Variants in MAML1 observed in about 807,000 individuals in gnomAD.
The protein encoded by MAML1 is mastermind like transcriptional coactivator 1, also known as mastermind-like protein 1.
MAML1 carries 14 observed loss-of-function variants against 77.1 expected under a neutral mutation model. The ratio of observed to expected loss-of-function variants is 0.18; its 90% confidence interval spans 0.12 to 0.28. MAML1 has a LOEUF of 0.28. MAML1 is among the 10% of genes least tolerant of loss of function. MAML1 has a pLI of 1.00. For missense variants in MAML1, 1,217 were observed against 1,327.8 expected (o/e 0.92, Z 1.30); for synonymous variants, 516 against 551.9 (o/e 0.93, Z 0.91).
intron 1 of MAML1, among the ~76,000 whole-genome samples, chr5:179,738,804 A>G (rs940070167): frequency 4.7e-5 from 7 of 150,524 alleles, no homozygotes; most frequent in Non-Finnish European, 8.9e-5. Flanking sequence ...TTTTGGAGAC[A>G]GGGTCTCACT....
chr5:179,751,207 A>G (rs953540454), intron 1 of MAML1, among the ~76,000 whole-genome samples: 17 of 151,954 alleles, frequency 1.1e-4, no homozygotes, highest in African/African-American at 3.6e-4. Context: ...TCCTGACCTC[A>G]GGTGATCCAC....
At chr5:179,758,172 A>G (rs1463487449) in intron 1 of MAML1, among the ~76,000 whole-genome samples, 1 of 152,196 alleles carries the variant, frequency 6.6e-6, no homozygotes, top group Non-Finnish European at 1.5e-5. Flanking sequence ...TTTCTGGAAA[A>G]TACCGGAACT....
intron 1 of MAML1, among the ~76,000 whole-genome samples, chr5:179,742,124 C>T (rs1029719279): frequency 4.0e-5 from 6 of 149,552 alleles, no homozygotes; most frequent in South Asian, 2.1e-4. Context: ...CCACCCGCCT[C>T]GGTCTCCCAA....
chr5:179,775,589 T>C lies in MAML1; in HGVS notation c.*712T>C. 2.0e-6 allele frequency: 2 copies of C among 985,358 alleles called. No individual in the cohort carries two copies. The highest frequency in any genetic ancestry group is 2.4e-6 in the Non-Finnish European group (2 of 829,920). 61.0% of individuals were successfully genotyped at this position (985,358 alleles called of 1,614,324 possible). ...CAGCTAGGGTCTTCCTAGCAGCTCC[T>C]CCTCCTCCCTCCCAAGGCCCCCAGG... On this transcript the variant is annotated 3_prime_UTR_variant, in exon 5 of 5. Transcript: ENST00000292599.
chr5:179,750,737 CA>C (rs1182239447), intron 1 of MAML1, among the ~76,000 whole-genome samples: 1 of 152,172 alleles, frequency 6.6e-6, no homozygotes, highest in Non-Finnish European at 1.5e-5. Flanking sequence ...GCTGGGATTA[CA>C]GGCCTGACGG....
At chr5:179,745,501 A>C in intron 1 of MAML1, among the ~76,000 whole-genome samples, 1 of 150,272 alleles carries the variant, frequency 6.7e-6, no homozygotes, top group East Asian at 2.0e-4. Context: ...GGATCACCTG[A>C]GGTCAGCAGT....
intron 1 of MAML1, among the ~76,000 whole-genome samples, chr5:179,738,976 ACTT>A (rs1779226334): frequency 6.6e-6 from 1 of 151,906 alleles, no homozygotes; most frequent in African/African-American, 2.4e-5. Flanking sequence ...ATTCTTCGTG[ACTT>A]CTTCCTTTTC....
At position 179,774,368 on chromosome 5, in the gene MAML1, A is replaced by G. The variant is rs1384026499; in HGVS notation, c.2542A>G (p.Ser848Gly). 1 of 1,613,254 alleles carries G rather than the reference A, an allele frequency of 6.2e-7. No individual in the cohort carries two copies. The highest frequency in any genetic ancestry group is 2.2e-5 in the East Asian group (1 of 44,878). The stretch of plus-strand genomic sequence containing the variant: ...GCAGCATCAGGGAATGCCGAACCTC[A>G]GTGGCCAGACCCCAGGGAACAGCAA... ...SWQHQGMPNLSGQTPGNSNVS... is the reference protein window; with the variant it reads ...SWQHQGMPNLGGQTPGNSNVS... The change falls in exon 5 of 5, where the codon AGT (serine) becomes GGT (glycine). Residue 848 changes from serine (S) to glycine (G), a missense_variant. By Grantham distance (56) the Ser-to-Gly change is moderately conservative. This residue lies in a region of MAML1 where 884 missense variants were observed against 949.3 expected (regional missense o/e 0.93). Coordinates refer to ENST00000292599, the MANE Select transcript of MAML1 (RefSeq NM_014757.5).
intron 1 of MAML1, among the ~76,000 whole-genome samples, chr5:179,752,019 C>T (rs1581932247): frequency 6.6e-6 from 1 of 150,690 alleles, no homozygotes; most frequent in African/African-American, 2.4e-5. Context: ...AAAAAAAATA[C>T]TGATTACATG....
rs1171582824 is a variant in MAML1, at chr5:179,736,100, G to T, written c.315+2673G>T. Among the ~76,000 whole-genome samples, 3 of 152,168 alleles carry T rather than the reference G, an allele frequency of 2.0e-5. No homozygotes were observed. In the East Asian group the frequency reaches 5.8e-4, roughly 29 times the overall value. On this transcript the variant is annotated intron_variant, in intron 1 of 4. Transcript: ENST00000292599. ...CACACTTGGGTAGTACACATCTGAGGTGCATCTTAAGTGCCTGTTTGTTGA... is the reference window on the plus strand; with the variant it reads ...CACACTTGGGTAGTACACATCTGAGTTGCATCTTAAGTGCCTGTTTGTTGA...
intron 1 of MAML1, 98 bp from the exon 2 acceptor site, chr5:179,765,228 A>T: frequency 9.8e-7 from 1 of 1,017,538 alleles, no homozygotes. Flanking sequence ...AGCAGAACCC[A>T]CTGGCGAGCA....
At chr5:179,772,465 C>G (rs943133123) in intron 4 of MAML1, among the ~76,000 whole-genome samples, 1 of 152,146 alleles carries the variant, frequency 6.6e-6, no homozygotes, top group African/African-American at 2.4e-5. Flanking sequence ...GAACAAAGCA[C>G]TGAGTTACGG....
intron 1 of MAML1, among the ~76,000 whole-genome samples, chr5:179,753,214 T>TGCGC (rs1779535204): frequency 5.4e-5 from 7 of 130,324 alleles, no homozygotes; most frequent in African/African-American, 1.5e-4. Context: ...TGTGTGTGTG[T>TGCGC]GTGTGTGTGC....
At chr5:179,734,759 T>G (rs1779133419) in intron 1 of MAML1, among the ~76,000 whole-genome samples, 1 of 152,028 alleles carries the variant, frequency 6.6e-6, no homozygotes, top group Non-Finnish European at 1.5e-5. Flanking sequence ...CGCCTCAGCC[T>G]CCTCAGTCCT....
In MAML1 at chr5:179,766,797, C is replaced by T; in HGVS notation, c.1731+56C>T. 7.1e-7 allele frequency: 1 copy of T among 1,404,148 alleles called. No homozygotes were observed. Among genetic ancestry groups the T allele is most frequent in the East Asian group, 2.4e-5 (1 of 41,606 alleles). 87.0% of individuals were successfully genotyped at this position (1,404,148 alleles called of 1,614,324 possible). ...TGCTGCAGACACTTCAGTGAGGTTACTCACTACTTTGGATGTTAATTGGAT... is the reference window on the plus strand; with the variant it reads ...TGCTGCAGACACTTCAGTGAGGTTATTCACTACTTTGGATGTTAATTGGAT... On this transcript the variant is annotated intron_variant, in intron 2 of 4. Transcript: ENST00000292599. This position sits in a 1 kb window ranked among gnomAD's most constrained non-coding sequence, Gnocchi z 4.0.
intron 1 of MAML1, among the ~76,000 whole-genome samples, chr5:179,763,993 C>T (rs7705530): frequency 0.29 from 43,399 of 151,946 alleles, 6,556 homozygotes; most frequent in Non-Finnish European, 0.34. Context: ...CATAGGCACT[C>T]CCTCTGAGCA....
intron 2 of MAML1, among the ~76,000 whole-genome samples, chr5:179,768,587 A>T (rs1779864285): frequency 6.6e-6 from 1 of 152,276 alleles, no homozygotes; most frequent in Non-Finnish European, 1.5e-5. Context: ...ACATATGCTT[A>T]ACGTAAAACC....
chr5:179,751,624 GA>G (rs1419373379), intron 1 of MAML1, among the ~76,000 whole-genome samples: 1 of 152,118 alleles, frequency 6.6e-6, no homozygotes, highest in Non-Finnish European at 1.5e-5. Flanking sequence ...AGAATCACTT[GA>G]ACCCGGGAGG....
intron 1 of MAML1, among the ~76,000 whole-genome samples, chr5:179,753,623 T>A (rs1358039510): frequency 2.0e-5 from 3 of 150,964 alleles, no homozygotes; most frequent in Non-Finnish European, 2.9e-5. Context: ...GGGAGAAGTG[T>A]TTCTGTTTGG....
Sources: gnomAD v4.1 joint callset for allele counts (sites outside exome capture counted in the v4.1 genomes callset) on GRCh38, gnomAD v4.1.1 for gene constraint, gnomAD v4.1.1 regional missense constraint, Gnocchi (gnomAD v3.1) non-coding constraint, MANE v1.5 for transcripts, NCBI Gene and HGNC (gene_info 2026-07-23, HGNC 2026-07-21) for gene names.